FOCAD: variants seen among roughly 807,000 people sequenced by gnomAD.
The protein encoded by FOCAD is KIAA1797.
Under a neutral mutation model 225.6 loss-of-function variants are expected in FOCAD, and 198 were observed. The observed-to-expected ratio is 0.88, with a 90% CI of 0.78 to 0.99. FOCAD has a LOEUF of 0.99. FOCAD is among the 50% of genes least tolerant of loss of function. FOCAD has a pLI of 0.00. For missense variants in FOCAD, 2,713 were observed against 2,123.6 expected (o/e 1.28, Z -5.46); for synonymous variants, 897 against 755.0 (o/e 1.19, Z -3.08).
chr9:20,871,113 A>C (rs901799004), intron 18 of FOCAD, among the ~76,000 whole-genome samples: 2 of 152,016 alleles, frequency 1.3e-5, no homozygotes, highest in African/African-American at 2.4e-5. Context: ...CTGAGGTAGG[A>C]GAATTGCTTG....
chr9:20,778,249 C>A (rs1818989630), intron 8 of FOCAD, among the ~76,000 whole-genome samples: 1 of 151,904 alleles, frequency 6.6e-6, no homozygotes, highest in Non-Finnish European at 1.5e-5. Context: ...TTGACTAATT[C>A]TTTCTTTTTT....
intron 30 of FOCAD, among the ~76,000 whole-genome samples, chr9:20,947,862 G>T (rs6475492): frequency 0.72 from 109,760 of 152,004 alleles, 39,915 homozygotes; most frequent in East Asian, 0.94. Flanking sequence ...AGAGTAAGTT[G>T]TGAAAAATTG....
At chr9:20,821,201 G>T in intron 14 of FOCAD, 130 bp downstream of exon 14, 1 of 733,462 alleles carries the variant, frequency 1.4e-6, no homozygotes, top group South Asian at 3.1e-5. Flanking sequence ...TTTAACTTAA[G>T]TTTTCTGATT....
rs139813442 is a variant in FOCAD, at chr9:20,971,676, A to G, written c.4133-4744A>G. ...ATAGTGTTAATGTGAATGTATATTCATATTGTTATGAAACAGTTCTCCAGA... is the reference window on the plus strand; with the variant it reads ...ATAGTGTTAATGTGAATGTATATTCGTATTGTTATGAAACAGTTCTCCAGA... On this transcript the variant is annotated intron_variant, in intron 35 of 43. Coordinates refer to ENST00000338382, the MANE Select transcript of FOCAD (RefSeq NM_001375567.1). Among the ~76,000 whole-genome samples, 41 of 152,252 alleles carry G rather than the reference A, an allele frequency of 2.7e-4. No homozygotes were observed. In the East Asian group the frequency reaches 5.2e-3, roughly 19 times the overall value.
intron 27 of FOCAD, among the ~76,000 whole-genome samples, chr9:20,930,181 G>A (rs969813748): frequency 1.0e-5 from 1 of 99,192 alleles, no homozygotes; most frequent in African/African-American, 3.2e-5. Flanking sequence ...CTCATTTTTG[G>A]ACTGCTAACT....
chr9:20,902,521 T>G (rs1231861176), intron 21 of FOCAD, among the ~76,000 whole-genome samples: 1 of 151,950 alleles, frequency 6.6e-6, no homozygotes, highest in East Asian at 1.9e-4. Flanking sequence ...CAAAAGAGTT[T>G]GGGCTTTATT....
chr9:20,912,762 A>C, intron 22 of FOCAD, 104 bp from the exon 23 acceptor site: 2 of 848,026 alleles, frequency 2.4e-6, no homozygotes, highest in Admixed American at 4.1e-5. Flanking sequence ...TACCCAGAAC[A>C]CTTAAGGCCA....
intron 11 of FOCAD, among the ~76,000 whole-genome samples, chr9:20,804,538 C>G (rs1822201810): frequency 6.6e-6 from 1 of 151,650 alleles, no homozygotes; most frequent in African/African-American, 2.4e-5. Flanking sequence ...CTGGCTGAAG[C>G]TATAGTGACA....
At chr9:20,843,982 A>C (rs1826812030) in intron 15 of FOCAD, among the ~76,000 whole-genome samples, 1 of 152,138 alleles carries the variant, frequency 6.6e-6, no homozygotes, top group Non-Finnish European at 1.5e-5. Flanking sequence ...GTTAGAAATG[A>C]AAGACAACCT....
intron 19 of FOCAD, among the ~76,000 whole-genome samples, chr9:20,876,024 C>T (rs1158711841): frequency 6.6e-6 from 1 of 152,188 alleles, no homozygotes; most frequent in African/African-American, 2.4e-5. Context: ...CCTCTGGTTT[C>T]ATCCCACATG....
intron 2 of FOCAD, among the ~76,000 whole-genome samples, chr9:20,662,252 G>A (rs1048916492): frequency 3.3e-5 from 5 of 152,190 alleles, no homozygotes; most frequent in Non-Finnish European, 5.9e-5. Flanking sequence ...GATAGCCATG[G>A]AGATGCACAG....
At position 20,866,855 on chromosome 9, in the gene FOCAD, G is replaced by T. The variant is rs561358023; in HGVS notation, c.2107-74G>T. 1.4e-4 allele frequency: 91 copies of T among 648,550 alleles called. 1 individual carries two copies. The Middle Eastern group carries it at 2.7e-3, about 19-fold the overall frequency. 40.2% of individuals were successfully genotyped at this position (648,550 alleles called of 1,614,324 possible). ...GTTTCTTTCCCCCTCCAGATTTGAT[G>T]TTTAATGCATGTTGTGTTTTTTTGT... On this transcript the variant is annotated intron_variant, in intron 17 of 43. Coordinates refer to ENST00000338382, the MANE Select transcript of FOCAD (RefSeq NM_001375567.1).
intron 24 of FOCAD, among the ~76,000 whole-genome samples, chr9:20,918,229 A>G (rs1178906504): frequency 6.6e-6 from 1 of 152,256 alleles, no homozygotes; most frequent in Non-Finnish European, 1.5e-5. Context: ...TTGAATGCAG[A>G]AGAAACTACC....
chr9:20,815,137 G>GTTTTTGTTTTTTTTTTTTTTTTTTTTT (rs1823563180), intron 11 of FOCAD, among the ~76,000 whole-genome samples: 1 of 69,116 alleles, frequency 1.4e-5, no homozygotes, highest in African/African-American at 6.0e-5. Context: ...TTTTTTTTTT[G>GTTTTTGTTTTTTTTTTTTTTTTTTTTT]TTTTTTTTTT....
intron 15 of FOCAD, among the ~76,000 whole-genome samples, chr9:20,831,201 G>A (rs535360491): frequency 6.6e-6 from 1 of 152,160 alleles, no homozygotes; most frequent in East Asian, 1.9e-4. Flanking sequence ...GTTATTGTCT[G>A]TTCCCAAAGA....
At chr9:20,837,777 T>C (rs1185329066) in intron 15 of FOCAD, among the ~76,000 whole-genome samples, 1 of 152,144 alleles carries the variant, frequency 6.6e-6, no homozygotes, top group East Asian at 1.9e-4. Flanking sequence ...ATGGTGTTAT[T>C]TGTTGGGCTT....
At chr9:20,656,570 G>A (rs369425156), upstream of FOCAD, among the ~76,000 whole-genome samples, 897 of 151,910 alleles carry the variant, frequency 5.9e-3, 22 homozygotes, top group East Asian at 0.096. Flanking sequence ...TTGGTTTAAA[G>A]TCTGTTTTAT....
Position 20,981,447 on chromosome 9 carries a change from CT to C in FOCAD, c.4400del (p.Leu1467ArgfsTer8). 1 of 1,614,068 alleles carries C rather than the reference CT, an allele frequency of 6.2e-7. No homozygotes were observed. Among genetic ancestry groups the C allele is most frequent in the Non-Finnish European group, 8.5e-7 (1 of 1,179,912 alleles). ...CCAGCTGAATACCAAGAGATATCTC[CT>C]GATATCTGCACCTCTGTGGATAAAA... The part of the protein sequence containing the change: ...SLSLNTKRYL[L>X]ISAPLWIKHI... On this transcript the variant is annotated frameshift_variant, in exon 38 of 44. Coordinates refer to ENST00000338382, the MANE Select transcript of FOCAD (RefSeq NM_001375567.1). LOFTEE classifies it high-confidence loss of function.
At chr9:20,859,946 T>C (rs905148022) in intron 15 of FOCAD, among the ~76,000 whole-genome samples, 2 of 151,928 alleles carry the variant, frequency 1.3e-5, no homozygotes, top group South Asian at 4.1e-4. Context: ...TTATGAGTTT[T>C]TTTGGGAGGA....
Sources: allele counts gnomAD v4.1 joint callset (sites outside exome capture counted in the v4.1 genomes callset), GRCh38; gene constraint gnomAD v4.1.1; transcripts MANE v1.5; gene names NCBI Gene and HGNC (gene_info 2026-07-23, HGNC 2026-07-21).